Variants in PALLD observed in about 807,000 individuals in gnomAD.
PALLD encodes palladin.
A neutral mutation model predicts 123.5 loss-of-function variants in PALLD; 61 were observed. The ratio of observed to expected loss-of-function variants is 0.49; its 90% CI spans 0.40 to 0.61. PALLD has a LOEUF of 0.61. Among genes scored for constraint, PALLD ranks in the 20% least tolerant of loss-of-function variants. The pLI, the probability that PALLD is intolerant of heterozygous loss-of-function variation, is 0.00. For synonymous variants in PALLD, 465 were observed against 496.4 expected, an observed-to-expected ratio of 0.94 and a Z score of 0.84; for missense variants, 1,273 against 1,377.0, an observed-to-expected ratio of 0.92 and a Z score of 1.20.
At chr4:168,564,241 G>A (rs1393514327) in intron 2 of PALLD, among the ~76,000 whole-genome samples, 1 of 152,200 alleles carries the variant, frequency 6.6e-6, no homozygotes, top group African/African-American at 2.4e-5. Flanking sequence ...AATAAAGCCA[G>A]TGCTTCTTAG....
chr4:168,593,081 A>G (rs1273679925), intron 2 of PALLD, among the ~76,000 whole-genome samples: 1 of 152,154 alleles, frequency 6.6e-6, no homozygotes, highest in African/African-American at 2.4e-5. Context: ...TATAACACAC[A>G]GTGAAATTAC....
At chr4:168,535,328 G>A (rs1052197230) in intron 2 of PALLD, among the ~76,000 whole-genome samples, 1 of 151,980 alleles carries the variant, frequency 6.6e-6, no homozygotes, top group Non-Finnish European at 1.5e-5. Context: ...TGGGAGAGAG[G>A]GTGGATTACC....
intron 2 of PALLD, among the ~76,000 whole-genome samples, chr4:168,601,598 G>A (rs938156445): frequency 7.9e-5 from 12 of 151,758 alleles, no homozygotes; most frequent in African/African-American, 2.4e-4. Flanking sequence ...CCAACCCTCC[G>A]CTTCCTGATC....
At chr4:168,652,050 T>A (rs1383548221) in intron 2 of PALLD, among the ~76,000 whole-genome samples, 1 of 152,078 alleles carries the variant, frequency 6.6e-6, no homozygotes, top group Non-Finnish European at 1.5e-5. Flanking sequence ...GAGGGTAGGC[T>A]CTGAGGGTTA....
chr4:168,671,537 G>A (rs1032028198), intron 3 of PALLD, among the ~76,000 whole-genome samples: 4 of 152,198 alleles, frequency 2.6e-5, no homozygotes, highest in African/African-American at 9.7e-5. Flanking sequence ...ACTGGACATA[G>A]CAAGAATGAA....
At chr4:168,695,535 A>G (rs1783055455) in intron 8 of PALLD, among the ~76,000 whole-genome samples, 1 of 152,196 alleles carries the variant, frequency 6.6e-6, no homozygotes, top group African/African-American at 2.4e-5. Flanking sequence ...TCAACATTAG[A>G]TCACCCTCCA....
chr4:168,757,373 G>C (rs950787840), intron 10 of PALLD, among the ~76,000 whole-genome samples: 2 of 152,222 alleles, frequency 1.3e-5, no homozygotes, highest in African/African-American at 2.4e-5. Context: ...CATTACTCGG[G>C]TTGTTGATGT....
chr4:168,727,031 CCA>C (rs1029621851), intron 10 of PALLD, among the ~76,000 whole-genome samples: 3 of 152,152 alleles, frequency 2.0e-5, no homozygotes, highest in African/African-American at 7.2e-5. Context: ...CCAGCTCCAT[CCA>C]CATTACTGCA....
At chr4:168,600,056 T>C (rs1168180856) in intron 2 of PALLD, among the ~76,000 whole-genome samples, 80 of 125,044 alleles carry the variant, frequency 6.4e-4, no homozygotes, top group South Asian at 1.2e-3. Context: ...TACACACATA[T>C]ATACATACAT....
In PALLD at chr4:168,925,011, G is replaced by A; in HGVS notation, c.3291G>A (p.Gly1097=). The change falls in exon 20 of 22, where the codon GGG becomes GGA. Residue 1097 remains glycine (G), a synonymous_variant. Coordinates refer to ENST00000505667, the MANE Select transcript of PALLD (RefSeq NM_001166108.2). ...LIQGATKEDA[G]WYTVSAKNEA... is the part of the protein sequence containing the mutation. Reference sequence around the variant, plus strand: ...AGGGAGCCACAAAAGAAGATGCTGGGTGGTATACTGTGTCAGCCAAGAATG... The same window carrying A: ...AGGGAGCCACAAAAGAAGATGCTGGATGGTATACTGTGTCAGCCAAGAATG... 6.2e-7 allele frequency: 1 copy of A among 1,614,080 alleles called. No individual in the cohort carries two copies. The highest frequency in any genetic ancestry group is 1.3e-5 in the African/African-American group (1 of 75,040).
chr4:168,691,473 G>C (rs545127789), intron 8 of PALLD, among the ~76,000 whole-genome samples, 181 bp downstream of exon 8: 1 of 152,034 alleles, frequency 6.6e-6, no homozygotes, highest in Non-Finnish European at 1.5e-5. Context: ...TCTGTACACT[G>C]CATTTTACAT....
intron 10 of PALLD, among the ~76,000 whole-genome samples, chr4:168,755,424 GT>G (rs146488393): frequency 0.09 from 13,642 of 152,082 alleles, 750 homozygotes; most frequent in South Asian, 0.21. Flanking sequence ...TAAGCCGTGA[GT>G]GAACAGAAGC....
intron 10 of PALLD, among the ~76,000 whole-genome samples, chr4:168,845,910 C>T (rs949043239): frequency 7.9e-5 from 12 of 152,164 alleles, no homozygotes; most frequent in Non-Finnish European, 1.3e-4. Context: ...ATTTATTTGA[C>T]AAGCCCCCTT....
intron 2 of PALLD, among the ~76,000 whole-genome samples, chr4:168,635,938 AT>A (rs1434929274): frequency 6.6e-6 from 1 of 152,238 alleles, no homozygotes; most frequent in Admixed American, 6.5e-5. Flanking sequence ...CTACATTGGA[AT>A]TGAGGATCCT....
At chr4:168,640,574 C>T (rs1020287623) in intron 2 of PALLD, among the ~76,000 whole-genome samples, 6 of 152,234 alleles carry the variant, frequency 3.9e-5, no homozygotes, top group Non-Finnish European at 1.5e-5. Context: ...AGGGTCATTA[C>T]ATGGGTAGAT....
intron 10 of PALLD, among the ~76,000 whole-genome samples, chr4:168,865,132 A>T (rs1750074182): frequency 1.3e-5 from 2 of 152,256 alleles, no homozygotes; most frequent in African/African-American, 4.8e-5. Context: ...CTGCCCCCTG[A>T]GGGGAAATGG....
chr4:168,841,565 G>A (rs891022964), intron 10 of PALLD, among the ~76,000 whole-genome samples: 16 of 152,316 alleles, frequency 1.1e-4, no homozygotes, highest in Middle Eastern at 3.4e-3. Flanking sequence ...CAGCAGTGGG[G>A]TTGAGTAGAC....
chr4:168,894,654 C>A lies in PALLD; in HGVS notation c.2176C>A (p.Pro726Thr), dbSNP rs1553969553. 11 of 1,613,348 alleles carry A rather than the reference C, an allele frequency of 6.8e-6. No individual in the cohort carries two copies. The highest frequency in any genetic ancestry group is 9.3e-6 in the Non-Finnish European group (11 of 1,179,586). Residue 726 changes from proline to threonine, a missense_variant, in exon 12 of 22, where the codon CCA becomes ACA. By Grantham distance (38) the Pro-to-Thr change is conservative. Coordinates refer to ENST00000505667, the MANE Select transcript of PALLD (RefSeq NM_001166108.2). ...DSATVFNIQE[P>T]EEETANQDIG... ...TGCAACTGTCTTTAATATTCAGGAG[C>A]CAGAAGAGGAAACAGCTAATCAGGT...
At chr4:168,878,501 C>T in intron 10 of PALLD, 1 of 783,660 alleles carries the variant, frequency 1.3e-6, no homozygotes, top group Non-Finnish European at 1.9e-6. Context: ...ACCCAGAGCG[C>T]CCCAGTAACA....
Sources: gnomAD v4.1 joint callset for allele counts (sites outside exome capture counted in the v4.1 genomes callset) on GRCh38, gnomAD v4.1.1 for gene constraint, MANE v1.5 for transcripts, NCBI Gene and HGNC (gene_info 2026-07-23, HGNC 2026-07-21) for gene names.